RAB11FIP3: variants seen among roughly 807,000 people sequenced by gnomAD.
RAB11FIP3 encodes RAB11 family interacting protein 3, also known as rab11 family-interacting protein 3.
A neutral mutation model predicts 77.8 loss-of-function variants in RAB11FIP3; 17 were observed. The observed-to-expected ratio is 0.22, with a 90% confidence interval of 0.15 to 0.33. RAB11FIP3 has a LOEUF of 0.33. RAB11FIP3 is among the 10% of genes least tolerant of loss of function. The probability of loss-of-function intolerance (pLI) is 1.00; values close to 1 mark genes in which losing one functional copy is unlikely to be tolerated. For synonymous variants in RAB11FIP3, 437 were observed against 448.2 expected (o/e 0.98, Z 0.31); for missense variants, 1,005 against 1,011.2 (o/e 0.99, Z 0.08).
chr16:430,905 T>C (rs972877176), intron 1 of RAB11FIP3, among the ~76,000 whole-genome samples: 11 of 152,230 alleles, frequency 7.2e-5, no homozygotes, highest in African/African-American at 2.7e-4. Context: ...AGGCATATTA[T>C]TGAACTCCCA....
intron 2 of RAB11FIP3, among the ~76,000 whole-genome samples, chr16:468,130 G>C (rs1240786166): frequency 1.5e-5 from 1 of 66,082 alleles, no homozygotes; most frequent in East Asian, 4.4e-4. Context: ...GGGAGGAGGT[G>C]CAGGGGCCTC....
intron 1 of RAB11FIP3, among the ~76,000 whole-genome samples, chr16:438,684 TTTTAAA>T (rs1287597597): frequency 2.3e-5 from 3 of 128,144 alleles, no homozygotes; most frequent in Non-Finnish European, 4.9e-5. Flanking sequence ...GTGTCTGGCC[TTTTAAA>T]TTTTTTTTTT....
In RAB11FIP3 at chr16:505,359, A is replaced by C. The variant is rs1327674399; in HGVS notation, c.1396-165A>C. ...AGACCCCGGCCCCATTAGGAGCTGC[A>C]CCTTTGTGGGTTTATGGGACAAGTT... is the stretch of plus-strand genomic sequence containing the variant. On this transcript the variant is annotated intron_variant, in intron 7 of 13. Transcript: ENST00000262305. The surrounding 1 kb of genome is among the most constrained non-coding windows in gnomAD (Gnocchi z 4.0). Among the ~76,000 whole-genome samples the C allele has an allele frequency of 6.6e-6, 1 of 152,108 alleles. No homozygotes were observed. Among genetic ancestry groups the C allele is most frequent in the Non-Finnish European group, 1.5e-5 (1 of 68,014 alleles).
At chr16:503,688 T>C (rs974522182) in intron 7 of RAB11FIP3, among the ~76,000 whole-genome samples, 1 of 152,056 alleles carries the variant, frequency 6.6e-6, no homozygotes, top group African/African-American at 2.4e-5. Context: ...GAGATCAGCC[T>C]GGCCAACATA....
chr16:482,551 C>T lies in RAB11FIP3; in HGVS notation c.930C>T (p.Tyr310=). The change falls in exon 4 of 14, where the codon TAC becomes TAT. Residue 310 remains tyrosine (Y), a synonymous_variant. Coordinates refer to ENST00000262305, the MANE Select transcript of RAB11FIP3 (RefSeq NM_014700.4). The stretch of plus-strand genomic sequence containing the variant: ...CCAACGAGGTGACGGACAGCGCGTA[C>T]ATGGGCTCCGAGAGCACCTACAGTG... ...YEANEVTDSA[Y]MGSESTYSEC... The T allele has an allele frequency of 2.5e-6, 4 of 1,613,614 alleles. No homozygotes were observed. The highest frequency in any genetic ancestry group is 3.4e-6 in the Non-Finnish European group (4 of 1,180,042).
At chr16:466,018 G>C (rs1341402446) in intron 2 of RAB11FIP3, among the ~76,000 whole-genome samples, 1 of 152,208 alleles carries the variant, frequency 6.6e-6, no homozygotes, top group African/African-American at 2.4e-5. Flanking sequence ...TGCTGGTCTT[G>C]TTATAAATGT....
chr16:497,105 T>C (rs1231749621), intron 6 of RAB11FIP3: 4 of 557,508 alleles, frequency 7.2e-6, no homozygotes, highest in Non-Finnish European at 8.7e-6. Context: ...CTGGGCCTCT[T>C]GTGTGTTCAC....
intron 6 of RAB11FIP3, among the ~76,000 whole-genome samples, chr16:502,254 G>A (rs191940688): frequency 1.6e-4 from 24 of 152,368 alleles, no homozygotes; most frequent in Admixed American, 5.9e-4. Flanking sequence ...CTTACTGCGC[G>A]CCTAAGTTCA....
At chr16:465,687 G>A (rs1374720279) in intron 2 of RAB11FIP3, among the ~76,000 whole-genome samples, 6 of 151,918 alleles carry the variant, frequency 3.9e-5, no homozygotes, top group Non-Finnish European at 1.5e-5. Flanking sequence ...TCGGCTCACT[G>A]CAACTTGCGT....
intron 4 of RAB11FIP3, 34 bp downstream of exon 4, chr16:482,770 C>G: frequency 1.3e-6 from 2 of 1,555,530 alleles, no homozygotes; most frequent in Non-Finnish European, 1.7e-6. Context: ...CTGGAGAGGC[C>G]TTGGGATGTG....
At chr16:436,287 C>T (rs946619321) in intron 1 of RAB11FIP3, among the ~76,000 whole-genome samples, 10 of 151,952 alleles carry the variant, frequency 6.6e-5, no homozygotes, top group South Asian at 2.1e-4. Context: ...CCAGCCCAGG[C>T]GAAAGTGCAA....
At chr16:460,102 C>T (rs2141645422) in intron 1 of RAB11FIP3, among the ~76,000 whole-genome samples, 1 of 152,158 alleles carries the variant, frequency 6.6e-6, no homozygotes, top group East Asian at 1.9e-4. Flanking sequence ...ATCTGGAACT[C>T]CCAGCCTCAG....
intron 9 of RAB11FIP3, among the ~76,000 whole-genome samples, chr16:517,635 C>T (rs1318879839): frequency 6.6e-6 from 1 of 152,200 alleles, no homozygotes; most frequent in Non-Finnish European, 1.5e-5. Flanking sequence ...GGGAAAGCCA[C>T]AGTCTTCAGT....
chr16:462,012 C>G (rs1194211656), intron 2 of RAB11FIP3, among the ~76,000 whole-genome samples: 1 of 152,232 alleles, frequency 6.6e-6, no homozygotes, highest in African/African-American at 2.4e-5. Context: ...TTCCAGTCTT[C>G]CTTTGAGTAA....
At chr16:483,105 C>A (rs981995477) in intron 4 of RAB11FIP3, among the ~76,000 whole-genome samples, 1 of 152,180 alleles carries the variant, frequency 6.6e-6, no homozygotes, top group Non-Finnish European at 1.5e-5. Context: ...ACCTGTCCCC[C>A]ACCCTCAGGA....
rs1289582454 is a variant in RAB11FIP3 at position 492,930 on chromosome 16, G to T, written c.1266-3894G>T. On this transcript the variant is annotated intron_variant, in intron 5 of 13. Coordinates refer to ENST00000262305, the MANE Select transcript of RAB11FIP3 (RefSeq NM_014700.4). The stretch of plus-strand genomic sequence containing the variant: ...AAGTCCTGTGGAGCCTCACGTCCAG[G>T]TTCTGCTACCCCTTTTCCTAAGACT... 2.0e-5 allele frequency among the ~76,000 whole-genome samples: 3 copies of T among 152,106 alleles called. No homozygotes were observed. The East Asian group carries it at 5.8e-4, about 29-fold the overall frequency.
intron 4 of RAB11FIP3, among the ~76,000 whole-genome samples, chr16:487,131 C>CT (rs34597208): frequency 0.42 from 57,028 of 134,408 alleles, 13,381 homozygotes; most frequent in Non-Finnish European, 0.54. Flanking sequence ...GTTTTGGTTT[C>CT]TTTTTTTTTT....
At chr16:492,533 G>C (rs1190193878) in intron 5 of RAB11FIP3, among the ~76,000 whole-genome samples, 1 of 151,156 alleles carries the variant, frequency 6.6e-6, no homozygotes, top group African/African-American at 2.4e-5. Flanking sequence ...GAGACCCGAG[G>C]CCGTCCAGAA....
At chr16:480,312 A>G (rs966102653) in intron 3 of RAB11FIP3, among the ~76,000 whole-genome samples, 8 of 150,606 alleles carry the variant, frequency 5.3e-5, no homozygotes, top group Non-Finnish European at 8.9e-5. Flanking sequence ...AAAAAGTTGA[A>G]TTGTGTTTTA....
Sources: gnomAD v4.1 joint callset for allele counts (sites outside exome capture counted in the v4.1 genomes callset) on GRCh38, gnomAD v4.1.1 for gene constraint, Gnocchi (gnomAD v3.1) non-coding constraint, MANE v1.5 for transcripts, NCBI Gene and HGNC (gene_info 2026-07-23, HGNC 2026-07-21) for gene names.